Variants in FAM120B observed in about 807,000 individuals in gnomAD.
The protein encoded by FAM120B is constitutive coactivator of peroxisome proliferator-activated receptor gamma.
Under a neutral mutation model 96.3 loss-of-function variants are expected in FAM120B, and 83 were observed. The observed-to-expected ratio is 0.86, with a 90% CI of 0.72 to 1.03. FAM120B has a LOEUF of 1.03. FAM120B is among the 50% of genes least tolerant of loss of function. The pLI, the probability that FAM120B is intolerant of heterozygous loss-of-function variation, is 0.00. For synonymous variants in FAM120B, 407 were observed against 402.7 expected (o/e 1.01, Z -0.13); for missense variants, 1,027 against 1,121.2 (o/e 0.92, Z 1.20).
intron 1 of FAM120B, among the ~76,000 whole-genome samples, chr6:170,317,157 A>G (rs563909546): frequency 7.2e-5 from 11 of 152,374 alleles, no homozygotes; most frequent in African/African-American, 2.6e-4. Flanking sequence ...TCCTTGTGAA[A>G]GTCCAACTCA....
At chr6:170,359,813 AT>A (rs937792270) in intron 6 of FAM120B, among the ~76,000 whole-genome samples, 4 of 151,956 alleles carry the variant, frequency 2.6e-5, no homozygotes, top group African/African-American at 4.8e-5. Context: ...ACAATGCCAG[AT>A]TTTTTTTTGT....
intron 4 of FAM120B, 28 bp downstream of exon 4, chr6:170,330,578 C>G (rs1164618648): frequency 6.6e-7 from 1 of 1,506,010 alleles, no homozygotes; most frequent in Non-Finnish European, 9.2e-7. Flanking sequence ...TTAAATGAAC[C>G]ACAGATCTTT....
At chr6:170,310,902 CAT>C (rs1784553307) in intron 1 of FAM120B, among the ~76,000 whole-genome samples, 1 of 152,214 alleles carries the variant, frequency 6.6e-6, no homozygotes, top group Non-Finnish European at 1.5e-5. Context: ...CAGCTCCTAA[CAT>C]AGGCCTTGGA....
intron 1 of FAM120B, among the ~76,000 whole-genome samples, chr6:170,307,828 T>C (rs1275656888): frequency 2.0e-5 from 3 of 151,992 alleles, no homozygotes; most frequent in Non-Finnish European, 4.4e-5. Context: ...CCCGAAATGG[T>C]AGTGGAGAGA....
intron 8 of FAM120B, among the ~76,000 whole-genome samples, chr6:170,392,135 A>G (rs1790513396): frequency 6.6e-6 from 1 of 152,228 alleles, no homozygotes; most frequent in Admixed American, 6.5e-5. Flanking sequence ...TGATCACTGA[A>G]TACCTTCTCC....
intron 5 of FAM120B, among the ~76,000 whole-genome samples, chr6:170,355,207 C>A (rs1457316735): frequency 6.6e-6 from 1 of 152,134 alleles, no homozygotes; most frequent in Non-Finnish European, 1.5e-5. Flanking sequence ...ACCCAGCAAT[C>A]CCATTATTGA....
chr6:170,364,024 C>T (rs983963294), intron 6 of FAM120B, among the ~76,000 whole-genome samples: 4 of 152,176 alleles, frequency 2.6e-5, no homozygotes, highest in African/African-American at 4.8e-5. Flanking sequence ...TGAGCAGCCA[C>T]GCCCAGCCAA....
At position 170,317,623 on chromosome 6, in the gene FAM120B, T is replaced by C; in HGVS notation, c.233T>C (p.Phe78Ser). Reference sequence around the variant, plus strand: ...GCTTTGCGAGATTTTGTTAAAACTTTTACGGCAGCTGGGATCAAGTTGATA... The same window carrying C: ...GCTTTGCGAGATTTTGTTAAAACTTCTACGGCAGCTGGGATCAAGTTGATA... ...FSALRDFVKT[F>S]TAAGIKLIFF... Residue 78 changes from phenylalanine (F) to serine (S), a missense_variant, in exon 2 of 11, where the codon TTT becomes TCT. This residue lies in a region of FAM120B where 880 missense variants were observed against 980.9 expected (regional missense o/e 0.90). Coordinates refer to ENST00000476287, the MANE Select transcript of FAM120B (RefSeq NM_032448.3). The C allele has an allele frequency of 6.2e-7, 1 of 1,614,238 alleles. No homozygotes were observed. The highest frequency in any genetic ancestry group is 8.5e-7 in the Non-Finnish European group (1 of 1,180,048).
chr6:170,348,868 G>A (rs910424), intron 5 of FAM120B, among the ~76,000 whole-genome samples: 36,512 of 152,082 alleles, frequency 0.24, 5,496 homozygotes, highest in South Asian at 0.35. Context: ...GGGCTGTTGG[G>A]GCGATTTCAG....
intron 6 of FAM120B, among the ~76,000 whole-genome samples, chr6:170,366,651 G>A (rs916067355): frequency 6.6e-6 from 1 of 152,224 alleles, no homozygotes; most frequent in Admixed American, 6.5e-5. Flanking sequence ...GGGTGAATGG[G>A]GGTTGAGAGG....
chr6:170,393,650 C>T (rs949069608), intron 8 of FAM120B, among the ~76,000 whole-genome samples: 2 of 152,308 alleles, frequency 1.3e-5, no homozygotes, highest in Non-Finnish European at 2.9e-5. Flanking sequence ...CTTCACAAAT[C>T]CAACTTAAGG....
At chr6:170,324,645 A>G (rs1353787067) in intron 3 of FAM120B, among the ~76,000 whole-genome samples, 1 of 152,212 alleles carries the variant, frequency 6.6e-6, no homozygotes, top group Non-Finnish European at 1.5e-5. Flanking sequence ...TGTTAATGTA[A>G]TATATTTATG....
intron 6 of FAM120B, among the ~76,000 whole-genome samples, chr6:170,358,951 C>T (rs118070594): frequency 0.016 from 2,424 of 152,336 alleles, 25 homozygotes; most frequent in Middle Eastern, 0.037. Flanking sequence ...ATCCCAAGGT[C>T]AAGTCACCTG....
intron 6 of FAM120B, among the ~76,000 whole-genome samples, chr6:170,367,197 T>C (rs1025170559): frequency 2.0e-5 from 3 of 152,258 alleles, no homozygotes; most frequent in African/African-American, 7.2e-5. Context: ...TACAAATTAA[T>C]GAAACTTTAA....
chr6:170,332,055 T>G (rs1052732442), intron 4 of FAM120B, among the ~76,000 whole-genome samples: 1 of 152,150 alleles, frequency 6.6e-6, no homozygotes, highest in African/African-American at 2.4e-5. Flanking sequence ...AATTTTTATA[T>G]GGAGGGCCAC....
chr6:170,381,727 A>G (rs1157427186), intron 6 of FAM120B, among the ~76,000 whole-genome samples: 1 of 152,144 alleles, frequency 6.6e-6, no homozygotes, highest in African/African-American at 2.4e-5. Context: ...CCATATTAAT[A>G]GATTAAGGAA....
At chr6:170,354,750 C>T (rs576472557) in intron 5 of FAM120B, among the ~76,000 whole-genome samples, 7 of 146,892 alleles carry the variant, frequency 4.8e-5, no homozygotes, top group Non-Finnish European at 7.4e-5. Flanking sequence ...GGTGAAACCC[C>T]GTCTCTACAA....
intron 2 of FAM120B, among the ~76,000 whole-genome samples, chr6:170,322,196 G>A (rs1785334934): frequency 6.6e-6 from 1 of 152,232 alleles, no homozygotes; most frequent in African/African-American, 2.4e-5. Context: ...AAGCACCTGT[G>A]CCTGGCACAT....
chr6:170,390,015 A>G (rs1228185206), intron 7 of FAM120B, among the ~76,000 whole-genome samples: 1 of 152,250 alleles, frequency 6.6e-6, no homozygotes, highest in Non-Finnish European at 1.5e-5. Context: ...GTCCAGCTTA[A>G]TAAATACAAT....
Sources: allele counts gnomAD v4.1 joint callset (sites outside exome capture counted in the v4.1 genomes callset), GRCh38; gene constraint gnomAD v4.1.1; regional missense constraint gnomAD v4.1.1; transcripts MANE v1.5; gene names NCBI Gene and HGNC (gene_info 2026-07-23, HGNC 2026-07-21).